Variants in ERCC6L2 observed in about 807,000 individuals in gnomAD.
ERCC6L2 encodes the protein ERCC excision repair 6 like 2, also known as DNA excision repair protein ERCC-6-like 2.
ERCC6L2 carries 77 observed loss-of-function variants against 132.0 expected under a neutral mutation model. The observed-to-expected ratio is 0.58, with a 90% confidence interval of 0.49 to 0.71. ERCC6L2 has a LOEUF of 0.71. Ranked by LOEUF, ERCC6L2 falls within the 30% of genes least tolerant of loss-of-function variation. ERCC6L2 has a pLI of 0.00. For synonymous variants in ERCC6L2, 583 were observed against 632.4 expected, an observed-to-expected ratio of 0.92 and a Z score of 1.17; for missense variants, 1,542 against 1,837.6, an observed-to-expected ratio of 0.84 and a Z score of 2.94.
At position 95,928,708 on chromosome 9, in the gene ERCC6L2, C is replaced by T. The variant is rs1007350653; in HGVS notation, c.1606-11C>T. On this transcript the variant is annotated splice_polypyrimidine_tract_variant and intron_variant, in intron 10 of 18. Coordinates refer to ENST00000653738, the MANE Select transcript of ERCC6L2 (RefSeq NM_020207.7). ...GATTCATGTTTGCCCATCTTCATACCTCTCGTCTAGTTGCTTGACGTGCTA... is the reference window on the plus strand; with the variant it reads ...GATTCATGTTTGCCCATCTTCATACTTCTCGTCTAGTTGCTTGACGTGCTA... 6.3e-7 allele frequency: 1 copy of T among 1,591,890 alleles called. No homozygotes were observed. The highest frequency in any genetic ancestry group is 1.4e-5 in the African/African-American group (1 of 73,712).
At chr9:95,936,315 T>G (rs1376420086) in intron 11 of ERCC6L2, among the ~76,000 whole-genome samples, 1 of 152,172 alleles carries the variant, frequency 6.6e-6, no homozygotes, top group Admixed American at 6.5e-5. Flanking sequence ...TAGATGTAGC[T>G]CATTATAAAA....
intron 17 of ERCC6L2, among the ~76,000 whole-genome samples, chr9:95,995,153 A>G (rs563843186): frequency 2.0e-5 from 3 of 152,358 alleles, no homozygotes; most frequent in South Asian, 4.1e-4. Flanking sequence ...AAAGATAGCT[A>G]TCTGCAAAGT....
rs146793272 is a variant in ERCC6L2, at chr9:95,965,806, C to T, written c.1948-756C>T. 1.7e-4 allele frequency among the ~76,000 whole-genome samples: 26 copies of T among 152,260 alleles called. No homozygotes were observed. The East Asian group carries it at 3.7e-3, about 21-fold the overall frequency. ...GATTACAGGCATGAGCCATTGCACC[C>T]GGCCCTTAAGCATCATTTTTTACTG... is the stretch of plus-strand genomic sequence containing the variant. On this transcript the variant is annotated intron_variant, in intron 13 of 18. Coordinates refer to ENST00000653738, the MANE Select transcript of ERCC6L2 (RefSeq NM_020207.7).
Position 95,919,276 on chromosome 9 carries a change from T to A in ERCC6L2, c.1159-1899T>A, listed in dbSNP as rs538794075. ...TTGCTTGTATGCACCTTTGCCTGTT[T>A]ATTGCCAATAATCTGATGTAGTGAT... On this transcript the variant is annotated intron_variant, in intron 6 of 18. Coordinates refer to ENST00000653738, the MANE Select transcript of ERCC6L2 (RefSeq NM_020207.7). Among the ~76,000 whole-genome samples, 7 of 152,376 alleles carry A rather than the reference T, an allele frequency of 4.6e-5. No homozygotes were observed. The East Asian group carries it at 1.3e-3, about 29-fold the overall frequency.
intron 12 of ERCC6L2, among the ~76,000 whole-genome samples, chr9:95,944,075 T>A (rs553689657): frequency 6.6e-6 from 1 of 152,194 alleles, no homozygotes; most frequent in East Asian, 1.9e-4. Context: ...TGTACACTCA[T>A]GTTCATAGCA....
chr9:95,919,932 G>T (rs1268010155), intron 6 of ERCC6L2, among the ~76,000 whole-genome samples: 6 of 152,188 alleles, frequency 3.9e-5, no homozygotes, highest in African/African-American at 1.4e-4. Context: ...AGTGCCAGAC[G>T]ATGAGGAACA....
At chr9:96,029,743 G>C (rs1026131041) in intron 19 of ERCC6L2, among the ~76,000 whole-genome samples, 5 of 152,172 alleles carry the variant, frequency 3.3e-5, no homozygotes, top group Non-Finnish European at 7.4e-5. Flanking sequence ...TGCCACACAT[G>C]TCAAACAGTC....
At chr9:95,918,150 A>T (rs1829689164) in intron 6 of ERCC6L2, 33 of 467,388 alleles carry the variant, frequency 7.1e-5, no homozygotes, top group South Asian at 5.5e-4. Flanking sequence ...CTTCCAAAAG[A>T]GTTGTGGTCA....
chr9:95,984,606 A>G (rs546166451), intron 17 of ERCC6L2, among the ~76,000 whole-genome samples: 7 of 152,126 alleles, frequency 4.6e-5, no homozygotes, highest in Non-Finnish European at 7.4e-5. Context: ...ATTCTAAAGT[A>G]TGACTTTCAA....
intron 9 of ERCC6L2, among the ~76,000 whole-genome samples, chr9:95,923,737 A>C (rs113479291): frequency 6.6e-6 from 1 of 152,190 alleles, no homozygotes; most frequent in South Asian, 2.1e-4. Context: ...AATGCAAAAC[A>C]GGGGGGTAAG....
chr9:95,989,688 A>G (rs1037775095), intron 17 of ERCC6L2, among the ~76,000 whole-genome samples: 2 of 152,220 alleles, frequency 1.3e-5, no homozygotes, highest in African/African-American at 4.8e-5. Context: ...TAGTTTCATT[A>G]TATTTCTTTT....
rs1588057832 is a variant in ERCC6L2, at chr9:96,013,385, A to G, written c.*182A>G. 1 of 379,882 alleles carries G rather than the reference A, an allele frequency of 2.6e-6. No homozygotes were observed. The highest frequency in any genetic ancestry group is 4.4e-6 in the Non-Finnish European group (1 of 226,068). The allele number at this position is 379,882 out of a possible 1,614,324, so 23.5% of individuals were successfully genotyped here. On this transcript the variant is annotated 3_prime_UTR_variant, in exon 19 of 19. Coordinates refer to ENST00000653738, the MANE Select transcript of ERCC6L2 (RefSeq NM_020207.7). ...TCTGTTTTTCTTGATATTTGATTTG[A>G]TCTTTCAAGAATATGATTGTATTTA...
intron 17 of ERCC6L2, among the ~76,000 whole-genome samples, chr9:95,982,932 G>A (rs1325909688): frequency 1.3e-5 from 2 of 152,134 alleles, no homozygotes; most frequent in African/African-American, 4.8e-5. Flanking sequence ...AGAAGCTGTG[G>A]CATCTTTCCA....
chr9:95,932,241 T>C (rs1367207152), intron 11 of ERCC6L2, among the ~76,000 whole-genome samples: 1 of 152,060 alleles, frequency 6.6e-6, no homozygotes, highest in Non-Finnish European at 1.5e-5. Context: ...AATTTTTGTG[T>C]TTTTAGTAGA....
chr9:95,876,005 C>T lies in ERCC6L2; in HGVS notation c.-34C>T. ...GTCCTCCGCCGCCTTCCGGGTGTTA[C>T]ATGCAGCCGGGCTCGGCCCCTCCCC... On this transcript the variant is annotated 5_prime_UTR_variant, in exon 1 of 19. Coordinates refer to ENST00000653738, the MANE Select transcript of ERCC6L2 (RefSeq NM_020207.7). 1 of 1,571,654 alleles carries T rather than the reference C, an allele frequency of 6.4e-7. No homozygotes were observed. The highest frequency in any genetic ancestry group is 1.2e-5 in the South Asian group (1 of 85,716).
intron 14 of ERCC6L2, among the ~76,000 whole-genome samples, chr9:95,969,732 A>AGCT (rs1832328673): frequency 6.6e-6 from 1 of 152,188 alleles, no homozygotes; most frequent in Non-Finnish European, 1.5e-5. Flanking sequence ...AAGGACTTGC[A>AGCT]GCAGTTCAGA....
rs116930326 is a variant in ERCC6L2, at chr9:95,886,372, A to G, written c.471+5079A>G. On this transcript the variant is annotated intron_variant, in intron 2 of 18. Coordinates refer to ENST00000653738, the MANE Select transcript of ERCC6L2 (RefSeq NM_020207.7). Reference sequence around the variant, plus strand: ...ATCATTTCATTTAAAAAAAAAATACATTTAGAAATGGAAATGATATTAGAG... The same window carrying G: ...ATCATTTCATTTAAAAAAAAAATACGTTTAGAAATGGAAATGATATTAGAG... Among the ~76,000 whole-genome samples, 5 of 152,254 alleles carry G rather than the reference A, an allele frequency of 3.3e-5. No homozygotes were observed. The East Asian group carries it at 9.6e-4, about 29-fold the overall frequency.
At chr9:96,035,410 C>T (rs1834507955) in intron 19 of ERCC6L2, among the ~76,000 whole-genome samples, 4 of 152,192 alleles carry the variant, frequency 2.6e-5, no homozygotes, top group Admixed American at 2.6e-4. Context: ...AAGCCTGGTG[C>T]TCAGCCAGGG....
intron 18 of ERCC6L2, among the ~76,000 whole-genome samples, chr9:96,008,790 G>A (rs960261997): frequency 6.6e-6 from 1 of 152,178 alleles, no homozygotes; most frequent in Non-Finnish European, 1.5e-5. Flanking sequence ...GTCATGCTGC[G>A]GCTTCGTTGA....
Sources: gnomAD v4.1 joint callset for allele counts (sites outside exome capture counted in the v4.1 genomes callset) on GRCh38, gnomAD v4.1.1 for gene constraint, MANE v1.5 for transcripts, NCBI Gene and HGNC (gene_info 2026-07-23, HGNC 2026-07-21) for gene names.